The following COMMD10 variants were observed in gnomAD, a reference collection of about 807,000 sequenced individuals.
The protein encoded by COMMD10 is COMM domain containing 10.
A neutral mutation model predicts 28.9 loss-of-function variants in COMMD10; 33 were observed. The ratio of observed to expected loss-of-function variants is 1.14; its 90% confidence interval spans 0.87 to 1.53. The LOEUF (loss-of-function observed/expected upper bound fraction) is 1.53. Ranked by LOEUF, COMMD10 falls within the 40% of genes most tolerant of loss-of-function variation. The pLI is 0.00. For missense variants in COMMD10, 310 were observed against 233.4 expected (o/e 1.33, Z -2.14); for synonymous variants, 110 against 81.7 (o/e 1.35, Z -1.87).
intron 4 of COMMD10, among the ~76,000 whole-genome samples, chr5:116,106,792 A>T (rs1430453818): frequency 6.6e-6 from 1 of 152,134 alleles, no homozygotes; most frequent in East Asian, 1.9e-4. Flanking sequence ...AGAGACTAGG[A>T]TTGCAACCCC....
intron 5 of COMMD10, among the ~76,000 whole-genome samples, chr5:116,153,975 GAATCCATA>G (rs1561634930): frequency 6.6e-6 from 1 of 152,010 alleles, no homozygotes; most frequent in Non-Finnish European, 1.5e-5. Flanking sequence ...GCATAAAATA[GAATCCATA>G]CTGGATTTTA....
intron 4 of COMMD10, among the ~76,000 whole-genome samples, chr5:116,113,266 C>G (rs954533975): frequency 6.6e-6 from 1 of 151,906 alleles, no homozygotes; most frequent in African/African-American, 2.4e-5. Flanking sequence ...ACATTAGACA[C>G]TCATTATAAT....
chr5:116,153,058 G>A (rs1462108924), intron 5 of COMMD10, among the ~76,000 whole-genome samples: 3 of 151,904 alleles, frequency 2.0e-5, no homozygotes, highest in African/African-American at 7.3e-5. Flanking sequence ...TAGCATATTT[G>A]TGCATCTTTT....
At chr5:116,153,984 C>T (rs1164407336) in intron 5 of COMMD10, among the ~76,000 whole-genome samples, 1 of 151,964 alleles carries the variant, frequency 6.6e-6, no homozygotes, top group East Asian at 1.9e-4. Context: ...AGAATCCATA[C>T]TGGATTTTAT....
chr5:116,115,429 T>C (rs1751200246), intron 4 of COMMD10, among the ~76,000 whole-genome samples: 1 of 152,230 alleles, frequency 6.6e-6, no homozygotes, highest in Non-Finnish European at 1.5e-5. Context: ...TGTTCTGTCT[T>C]GGAACACTTA....
intron 5 of COMMD10, among the ~76,000 whole-genome samples, chr5:116,212,897 GT>G (rs1749005085): frequency 6.6e-6 from 1 of 152,054 alleles, no homozygotes; most frequent in Non-Finnish European, 1.5e-5. Context: ...TTTATGTCAT[GT>G]GGTTTTTTGG....
intron 5 of COMMD10, among the ~76,000 whole-genome samples, chr5:116,210,319 T>C (rs1748927603): frequency 6.6e-6 from 1 of 150,588 alleles, no homozygotes; most frequent in African/African-American, 2.4e-5. Flanking sequence ...TATGTATGTA[T>C]TTATATATAT....
intron 5 of COMMD10, among the ~76,000 whole-genome samples, chr5:116,169,006 A>G (rs1399553647): frequency 6.6e-6 from 1 of 152,178 alleles, no homozygotes; most frequent in Non-Finnish European, 1.5e-5. Context: ...AGATAGAGAC[A>G]TGAAAAACCA....
At chr5:116,127,110 G>T (rs2112761757) in intron 4 of COMMD10, among the ~76,000 whole-genome samples, 1 of 152,272 alleles carries the variant, frequency 6.6e-6, no homozygotes, top group Admixed American at 6.5e-5. Flanking sequence ...CAAAAAGTGG[G>T]CAAAGGATAT....
chr5:116,201,248 G>T (rs1489890970), intron 5 of COMMD10, among the ~76,000 whole-genome samples: 1 of 152,140 alleles, frequency 6.6e-6, no homozygotes, highest in East Asian at 1.9e-4. Flanking sequence ...GAGTGATCCG[G>T]CATATTTTAA....
intron 5 of COMMD10, among the ~76,000 whole-genome samples, chr5:116,249,452 A>G (rs534010319): frequency 2.6e-5 from 4 of 152,072 alleles, no homozygotes; most frequent in Admixed American, 1.3e-4. Context: ...AGTTACTTTG[A>G]TATTAAATAA....
At chr5:116,127,845 C>T (rs1751713965) in intron 4 of COMMD10, among the ~76,000 whole-genome samples, 1 of 152,004 alleles carries the variant, frequency 6.6e-6, no homozygotes, top group Admixed American at 6.6e-5. Context: ...TTAACGGGTG[C>T]AGCACACCAA....
intron 5 of COMMD10, chr5:116,218,321 C>T (rs1227345566): frequency 4.3e-6 from 3 of 690,114 alleles, no homozygotes; most frequent in Non-Finnish European, 5.4e-6. Flanking sequence ...GGTGGTGGGA[C>T]ATAGGCACTG....
chr5:116,119,671 G>T (rs1751358244), intron 4 of COMMD10, among the ~76,000 whole-genome samples: 1 of 152,090 alleles, frequency 6.6e-6, no homozygotes. Context: ...GTGGCTTGTG[G>T]TGTGATCATA....
intron 5 of COMMD10, among the ~76,000 whole-genome samples, chr5:116,141,203 T>G (rs895787192): frequency 2.6e-5 from 4 of 151,776 alleles, no homozygotes; most frequent in Non-Finnish European, 4.4e-5. Context: ...TATTGCATCT[T>G]CTCGGTAGCC....
chr5:116,208,851 C>T (rs915086965), intron 5 of COMMD10, among the ~76,000 whole-genome samples: 1 of 152,152 alleles, frequency 6.6e-6, no homozygotes, highest in East Asian at 1.9e-4. Flanking sequence ...CTCATTTATT[C>T]TTAAACTTTT....
intron 5 of COMMD10, among the ~76,000 whole-genome samples, chr5:116,260,695 T>G (rs1247622148): frequency 6.6e-6 from 1 of 151,882 alleles, no homozygotes; most frequent in Admixed American, 6.6e-5. Flanking sequence ...TCTTCTAAAA[T>G]GGCCAGAGAT....
At chr5:116,252,305 T>G (rs1377413746) in intron 5 of COMMD10, among the ~76,000 whole-genome samples, 3 of 142,964 alleles carry the variant, frequency 2.1e-5, no homozygotes, top group Non-Finnish European at 3.0e-5. Context: ...TTAGTTTAAT[T>G]AGATCCCATT....
intron 5 of COMMD10, 134 bp from the exon 6 acceptor site, chr5:116,291,383 A>G: frequency 1.6e-6 from 1 of 632,798 alleles, no homozygotes; most frequent in Non-Finnish European, 2.8e-6. Flanking sequence ...CATGGGGTTG[A>G]GTAGAGCAGG....
Sources: gnomAD v4.1 joint callset for allele counts (sites outside exome capture counted in the v4.1 genomes callset) on GRCh38, gnomAD v4.1.1 for gene constraint, MANE v1.5 for transcripts, NCBI Gene and HGNC (gene_info 2026-07-23, HGNC 2026-07-21) for gene names.